The following ADAMTSL3 variants were observed in gnomAD, a reference collection of about 807,000 sequenced individuals.
The protein encoded by ADAMTSL3 is ADAMTS-like protein 3.
ADAMTSL3 carries 128 observed loss-of-function variants against 201.7 expected under a neutral mutation model. The observed-to-expected ratio is 0.63, with a 90% CI of 0.55 to 0.73. ADAMTSL3 has a LOEUF of 0.73. ADAMTSL3 is among the 30% of genes least tolerant of loss of function. ADAMTSL3 has a pLI of 0.00. For synonymous variants in ADAMTSL3, 738 were observed against 748.4 expected (o/e 0.99, Z 0.23); for missense variants, 1,990 against 2,119.6 (o/e 0.94, Z 1.20).
intron 2 of ADAMTSL3, among the ~76,000 whole-genome samples, chr15:83,660,656 CT>C (rs2061150125): frequency 6.6e-6 from 1 of 152,220 alleles, no homozygotes; most frequent in African/African-American, 2.4e-5. Flanking sequence ...TTCCCATCCC[CT>C]AATGGAATCT....
intron 23 of ADAMTSL3, among the ~76,000 whole-genome samples, chr15:84,007,909 C>CAA (rs1167984049): frequency 6.6e-6 from 1 of 152,196 alleles, no homozygotes; most frequent in Non-Finnish European, 1.5e-5. Flanking sequence ...CCCTCTCCAG[C>CAA]TATTGCCTTA....
At chr15:83,712,500 T>G (rs1340972308) in intron 3 of ADAMTSL3, among the ~76,000 whole-genome samples, 1 of 152,218 alleles carries the variant, frequency 6.6e-6, no homozygotes, top group African/African-American at 2.4e-5. Flanking sequence ...TTCTCTCATC[T>G]CAGTGCTCCT....
intron 3 of ADAMTSL3, among the ~76,000 whole-genome samples, chr15:83,715,321 A>G (rs893272358): frequency 2.0e-5 from 3 of 152,200 alleles, no homozygotes; most frequent in Admixed American, 6.5e-5. Flanking sequence ...GCACACATGC[A>G]TGATTATTTT....
intron 5 of ADAMTSL3, 44 bp downstream of exon 5, chr15:83,804,739 T>A: frequency 7.0e-7 from 1 of 1,433,426 alleles, no homozygotes; most frequent in African/African-American, 1.4e-5. Context: ...CAATATGTGC[T>A]TGTTTTAAGT....
intron 7 of ADAMTSL3, among the ~76,000 whole-genome samples, chr15:83,843,545 G>A (rs138285922): frequency 6.6e-6 from 1 of 152,296 alleles, no homozygotes; most frequent in Non-Finnish European, 1.5e-5. Context: ...CCATATGGAA[G>A]CACTTCCCTA....
At chr15:83,978,687 G>A (rs2067331589) in intron 20 of ADAMTSL3, among the ~76,000 whole-genome samples, 1 of 152,206 alleles carries the variant, frequency 6.6e-6, no homozygotes, top group Non-Finnish European at 1.5e-5. Context: ...CAGCCTGGCA[G>A]AGCCCATGAA....
chr15:83,898,133 A>T (rs1272438968), intron 14 of ADAMTSL3, 128 bp downstream of exon 14: 4 of 1,042,182 alleles, frequency 3.8e-6, no homozygotes, highest in Middle Eastern at 3.1e-4. Context: ...ATTGCAATAG[A>T]CCTTCCCATC....
At chr15:83,828,210 G>T (rs975547495) in intron 6 of ADAMTSL3, among the ~76,000 whole-genome samples, 1 of 152,132 alleles carries the variant, frequency 6.6e-6, no homozygotes, top group Non-Finnish European at 1.5e-5. Context: ...GTTGAGCAGT[G>T]GTTTGTAGTT....
At chr15:83,873,850 C>G (rs1466611229) in intron 9 of ADAMTSL3, among the ~76,000 whole-genome samples, 1 of 145,812 alleles carries the variant, frequency 6.9e-6, no homozygotes. Context: ...GAGTGATTAG[C>G]AGGAGTGCAA....
At chr15:83,789,701 T>C (rs950861892) in intron 4 of ADAMTSL3, among the ~76,000 whole-genome samples, 1 of 152,190 alleles carries the variant, frequency 6.6e-6, no homozygotes, top group Non-Finnish European at 1.5e-5. Flanking sequence ...TAATTTGTAT[T>C]TAATCCCTGT....
At chr15:83,688,436 A>G (rs1273979683) in intron 2 of ADAMTSL3, among the ~76,000 whole-genome samples, 4 of 152,208 alleles carry the variant, frequency 2.6e-5, no homozygotes, top group Non-Finnish European at 5.9e-5. Flanking sequence ...ACTTTAGATC[A>G]GCTGTTACAA....
At chr15:83,981,857 A>G (rs1442898212) in intron 20 of ADAMTSL3, among the ~76,000 whole-genome samples, 5 of 152,320 alleles carry the variant, frequency 3.3e-5, no homozygotes, top group African/African-American at 1.2e-4. Context: ...GAGACCTGAC[A>G]TATCAGACCC....
At chr15:83,969,019 G>C (rs2067142698) in intron 19 of ADAMTSL3, among the ~76,000 whole-genome samples, 1 of 152,122 alleles carries the variant, frequency 6.6e-6, no homozygotes, top group Non-Finnish European at 1.5e-5. Flanking sequence ...GGGGGGCTAG[G>C]GAAGGGATAG....
intron 3 of ADAMTSL3, among the ~76,000 whole-genome samples, chr15:83,730,285 C>T (rs551595522): frequency 6.6e-6 from 1 of 152,198 alleles, no homozygotes; most frequent in East Asian, 1.9e-4. Context: ...ATATTGATTG[C>T]CCAGAGAAGG....
At chr15:83,770,856 T>C (rs1357885997) in intron 3 of ADAMTSL3, among the ~76,000 whole-genome samples, 1 of 152,068 alleles carries the variant, frequency 6.6e-6, no homozygotes, top group Non-Finnish European at 1.5e-5. Context: ...GATTATGAGA[T>C]CAGGTTCGAG....
intron 27 of ADAMTSL3, among the ~76,000 whole-genome samples, chr15:84,027,210 G>C (rs1360613835): frequency 1.3e-5 from 2 of 152,214 alleles, no homozygotes; most frequent in Admixed American, 6.5e-5. Context: ...GATGGCATTA[G>C]TGAAAGAGAT....
chr15:83,782,161 GA>G (rs1322630074), intron 4 of ADAMTSL3, among the ~76,000 whole-genome samples: 2 of 152,130 alleles, frequency 1.3e-5, no homozygotes, highest in Non-Finnish European at 2.9e-5. Context: ...CAAAGACATG[GA>G]ATCAACCTAA....
At position 83,759,020 on chromosome 15, in the gene ADAMTSL3, T is replaced by C. The variant is rs139534307; in HGVS notation, c.190-14503T>C. 5.6e-3 allele frequency among the ~76,000 whole-genome samples: 860 copies of C among 152,308 alleles called. 9 individuals are homozygous for C. Among genetic ancestry groups the C allele is most frequent in the Non-Finnish European group, 6.2e-3 (423 of 68,032 alleles). Reference sequence around the variant, plus strand: ...CTTCCTTGTGTTCTGGCATTAGATGTTGCTGTGGAGAAGGCAGACCTTTCC... The same window carrying C: ...CTTCCTTGTGTTCTGGCATTAGATGCTGCTGTGGAGAAGGCAGACCTTTCC... On this transcript the variant is annotated intron_variant, in intron 3 of 29. Transcript: ENST00000286744.
chr15:83,914,040 A>G (rs1014834209), intron 16 of ADAMTSL3, among the ~76,000 whole-genome samples: 2 of 152,192 alleles, frequency 1.3e-5, no homozygotes, highest in Non-Finnish European at 2.9e-5. Context: ...AAAAGATAGA[A>G]ATAACAAATA....
Sources: gnomAD v4.1 joint callset for allele counts (sites outside exome capture counted in the v4.1 genomes callset) on GRCh38, gnomAD v4.1.1 for gene constraint, MANE v1.5 for transcripts, NCBI Gene and HGNC (gene_info 2026-07-23, HGNC 2026-07-21) for gene names.